Variants in IMMP2L observed in about 807,000 individuals in gnomAD.
IMMP2L encodes inner mitochondrial membrane peptidase subunit 2.
Under a neutral mutation model 19.3 loss-of-function variants are expected in IMMP2L, and 18 were observed. That is an observed-to-expected ratio of 0.93 (90% CI 0.64 to 1.38). The LOEUF (loss-of-function observed/expected upper bound fraction) is 1.38. Among genes scored for constraint, IMMP2L ranks in the 40% most tolerant of loss-of-function variants. The probability of loss-of-function intolerance (pLI) is 0.00; values close to 1 mark genes in which losing one functional copy is unlikely to be tolerated. For missense variants in IMMP2L, 233 were observed against 218.2 expected (o/e 1.07, Z -0.43); for synonymous variants, 76 against 73.0 (o/e 1.04, Z -0.21).
At chr7:111,453,107 C>G (rs1462596869) in intron 3 of IMMP2L, among the ~76,000 whole-genome samples, 2 of 152,116 alleles carry the variant, frequency 1.3e-5, no homozygotes. Flanking sequence ...TTCTAATCTT[C>G]GTGTCATTAT....
intron 3 of IMMP2L, among the ~76,000 whole-genome samples, chr7:111,217,126 T>TCACACACACACACACACACA (rs1315821493): frequency 1.0e-4 from 13 of 123,998 alleles, no homozygotes; most frequent in African/African-American, 4.1e-4. Context: ...TCTCTCTCTC[T>TCACACACACACACACACACA]CACACACACA....
At chr7:111,300,530 A>G (rs2129970681) in intron 3 of IMMP2L, among the ~76,000 whole-genome samples, 1 of 152,272 alleles carries the variant, frequency 6.6e-6, no homozygotes, top group Non-Finnish European at 1.5e-5. Context: ...CCATGATATT[A>G]ACATTAACAC....
chr7:111,127,434 A>C (rs1801425495), intron 3 of IMMP2L, among the ~76,000 whole-genome samples: 1 of 152,218 alleles, frequency 6.6e-6, no homozygotes, highest in Admixed American at 6.5e-5. Context: ...GTTTGTTAAG[A>C]AATATGCATT....
chr7:111,490,163 T>C lies in IMMP2L; in HGVS notation c.136-2822A>G, dbSNP rs191737935. Among the ~76,000 whole-genome samples the C allele has an allele frequency of 1.2e-3, 181 of 150,280 alleles. 2 individuals carry two copies. The highest frequency in any genetic ancestry group is 4.1e-3 in the African/African-American group (168 of 40,882). ...CTTAGGCTGGAGTGCACCGGCATGA[T>C]CATAGTTCACTGTAGCCTTGAACTC... is the stretch of plus-strand genomic sequence containing the variant. On this transcript the variant is annotated intron_variant, in intron 2 of 5. Coordinates refer to ENST00000405709, the MANE Select transcript of IMMP2L (RefSeq NM_032549.4).
intron 3 of IMMP2L, among the ~76,000 whole-genome samples, chr7:110,979,676 G>T (rs1208222227): frequency 2.0e-5 from 3 of 150,650 alleles, no homozygotes; most frequent in Non-Finnish European, 4.4e-5. Flanking sequence ...GAAAGGCAGG[G>T]TTTAAACTTA....
chr7:111,535,786 A>G (rs1364581834), intron 1 of IMMP2L, among the ~76,000 whole-genome samples: 4 of 152,042 alleles, frequency 2.6e-5, no homozygotes, highest in South Asian at 4.2e-4. Context: ...GGGAAAAGGG[A>G]GATAAAAATA....
chr7:111,517,973 A>G (rs1481082899), intron 2 of IMMP2L, among the ~76,000 whole-genome samples: 12 of 152,124 alleles, frequency 7.9e-5, no homozygotes, highest in Admixed American at 7.9e-4. Context: ...CGGCTTTATA[A>G]AAATCAAATA....
At chr7:111,175,051 A>G (rs1806889732) in intron 3 of IMMP2L, among the ~76,000 whole-genome samples, 1 of 151,894 alleles carries the variant, frequency 6.6e-6, no homozygotes, top group Non-Finnish European at 1.5e-5. Context: ...ATTTCTTTTG[A>G]AATATATCAG....
chr7:110,846,291 TA>T (rs1805653000), intron 5 of IMMP2L, among the ~76,000 whole-genome samples: 1 of 151,806 alleles, frequency 6.6e-6, no homozygotes, highest in African/African-American at 2.4e-5. Context: ...CAAGTTTCTT[TA>T]GCTAAGGCCA....
At position 111,292,370 on chromosome 7, in the gene IMMP2L, T is replaced by C. The variant is rs77162168; in HGVS notation, c.239+194868A>G. Among the ~76,000 whole-genome samples the C allele has an allele frequency of 9.2e-3, 1,397 of 152,210 alleles. 21 individuals carry two copies. The highest frequency in any genetic ancestry group is 0.032 in the African/African-American group (1,319 of 41,562). ...AGGGAATTGCCTGGCAGCCTCTTAA[T>C]GTTATCCTCTTACATTTGTACAGTT... On this transcript the variant is annotated intron_variant, in intron 3 of 5. Coordinates refer to ENST00000405709, the MANE Select transcript of IMMP2L (RefSeq NM_032549.4).
chr7:110,880,773 T>C (rs1213963263), intron 5 of IMMP2L, among the ~76,000 whole-genome samples: 1 of 152,130 alleles, frequency 6.6e-6, no homozygotes, highest in Non-Finnish European at 1.5e-5. Flanking sequence ...TGACCTATTA[T>C]CAGTAAATAT....
chr7:110,986,086 A>G (rs1431158649), intron 3 of IMMP2L, among the ~76,000 whole-genome samples: 2 of 152,184 alleles, frequency 1.3e-5, no homozygotes, highest in East Asian at 3.9e-4. Context: ...GGGAAATTTA[A>G]GCTTTCAACA....
At chr7:111,329,587 C>T (rs753627429) in intron 3 of IMMP2L, among the ~76,000 whole-genome samples, 1 of 151,746 alleles carries the variant, frequency 6.6e-6, no homozygotes, top group African/African-American at 2.4e-5. Context: ...ACACTGATAA[C>T]AGAAAGGAGA....
chr7:111,558,422 A>G (rs1791632445), intron 1 of IMMP2L, among the ~76,000 whole-genome samples: 1 of 152,158 alleles, frequency 6.6e-6, no homozygotes, highest in Admixed American at 6.6e-5. Flanking sequence ...TGAAACAACT[A>G]TTTACTGAGA....
intron 3 of IMMP2L, among the ~76,000 whole-genome samples, chr7:111,382,252 C>A (rs577763782): frequency 6.6e-6 from 1 of 151,826 alleles, no homozygotes; most frequent in Admixed American, 6.6e-5. Context: ...ATCACAAAAA[C>A]CAAAACAGAA....
chr7:111,323,880 C>T (rs1200660942), intron 3 of IMMP2L, among the ~76,000 whole-genome samples: 2 of 152,058 alleles, frequency 1.3e-5, no homozygotes, highest in South Asian at 2.1e-4. Context: ...TCTCAGCAAA[C>T]TGTCACAAGG....
At chr7:111,335,164 T>C (rs1276751183) in intron 3 of IMMP2L, among the ~76,000 whole-genome samples, 2 of 152,090 alleles carry the variant, frequency 1.3e-5, no homozygotes, top group African/African-American at 4.8e-5. Flanking sequence ...CTTTTCTTTA[T>C]AGAAAAGATA....
intron 3 of IMMP2L, among the ~76,000 whole-genome samples, chr7:111,336,480 ATC>A (rs1826419376): frequency 1.3e-5 from 2 of 152,036 alleles, no homozygotes; most frequent in Admixed American, 6.6e-5. Context: ...TATATGTTTT[ATC>A]TATCTTTGAT....
At chr7:111,091,868 A>AAGACAGAGAGG (rs1230353445) in intron 3 of IMMP2L, among the ~76,000 whole-genome samples, 2 of 151,918 alleles carry the variant, frequency 1.3e-5, no homozygotes, top group Non-Finnish European at 2.9e-5. Context: ...GGGAAGAGAG[A>AAGACAGAGAGG]AGACAGAGAG....
Sources: gnomAD v4.1 joint callset for allele counts (sites outside exome capture counted in the v4.1 genomes callset) on GRCh38, gnomAD v4.1.1 for gene constraint, MANE v1.5 for transcripts, NCBI Gene and HGNC (gene_info 2026-07-23, HGNC 2026-07-21) for gene names.